Variants in DENND4A observed in about 807,000 individuals in gnomAD.
The protein encoded by DENND4A is DENN domain containing 4A, also known as C-myc promoter-binding protein.
In DENND4A, 70 loss-of-function variants were observed where a neutral mutation model predicts 199.3. The ratio of observed to expected loss-of-function variants is 0.35; its 90% CI spans 0.29 to 0.43. DENND4A has a LOEUF of 0.43. DENND4A is among the 20% of genes least tolerant of loss of function. The pLI, the probability that DENND4A is intolerant of heterozygous loss-of-function variation, is 1.00. For missense variants in DENND4A, 1,723 were observed against 2,255.8 expected (o/e 0.76, Z 4.78); for synonymous variants, 686 against 766.9 (o/e 0.89, Z 1.74).
chr15:65,690,597 A>C lies in DENND4A; in HGVS notation c.3997T>G (p.Cys1333Gly), dbSNP rs1286862386. The change falls in exon 23 of 33, where the codon TGC becomes GGC. Residue 1333 changes from cysteine to glycine, a missense_variant. Physicochemically the swap from Cys to Gly is radical, Grantham distance 159. This residue lies in a region of DENND4A where 650 missense variants were observed against 738.1 expected (regional missense o/e 0.88). Transcript: ENST00000443035. ...TCCTGAGATTCTTCCCTAAATGGGC[A>C]AGTAGGTGAGAAGGCTGGAGAAGAC... is the stretch of plus-strand genomic sequence containing the variant. ...LWSSPAFSPTCPFREESQDTL... is the reference protein window; with the variant it reads ...LWSSPAFSPTGPFREESQDTL... 2 of 1,613,696 alleles carry C rather than the reference A, an allele frequency of 1.2e-6. No individual in the cohort carries two copies. The highest frequency in any genetic ancestry group is 1.7e-6 in the Non-Finnish European group (2 of 1,179,730).
In DENND4A at chr15:65,746,933, T is replaced by TAA. The variant is rs79912609; in HGVS notation, c.562-5151_562-5150dup. Among the ~76,000 whole-genome samples the TAA allele has an allele frequency of 2.8e-3, 360 of 128,510 alleles. 1 individual carries two copies. Among genetic ancestry groups the TAA allele is most frequent in the African/African-American group, 9.4e-3 (328 of 34,986 alleles). The allele number at this position is 128,510 out of a possible 152,430, so 84.3% of individuals were successfully genotyped here. A position where few individuals can be genotyped will look rare whatever the true frequency, so the allele number is the denominator to read the frequency against. ...AAAAATGGTAAAACCCTGTCTCTAC[T>TAA]AAAAAAAAAAAAAAATACAAAAAAT... On this transcript the variant is annotated intron_variant, in intron 4 of 32. Transcript: ENST00000443035.
intron 22 of DENND4A, 90 bp downstream of exon 22, chr15:65,696,276 G>A: frequency 6.9e-7 from 1 of 1,457,536 alleles, no homozygotes; most frequent in South Asian, 1.4e-5. Context: ...AATCACCTTG[G>A]AGAATTAAGA....
At chr15:65,728,852 G>GTGTA in intron 11 of DENND4A, 4 of 552,750 alleles carry the variant, frequency 7.2e-6, no homozygotes, top group South Asian at 5.8e-5. Flanking sequence ...GAAAGCCTGA[G>GTGTA]GATGAAAGGT....
At chr15:65,784,552 T>G (rs1596709034) in intron 1 of DENND4A, among the ~76,000 whole-genome samples, 2 of 152,246 alleles carry the variant, frequency 1.3e-5, no homozygotes, top group African/African-American at 4.8e-5. Context: ...AAAACATTTA[T>G]TCAAATTAAA....
intron 22 of DENND4A, among the ~76,000 whole-genome samples, chr15:65,694,538 T>C (rs930212819): frequency 6.6e-6 from 1 of 152,120 alleles, no homozygotes; most frequent in Non-Finnish European, 1.5e-5. Flanking sequence ...TCTACTCCCA[T>C]ATATGTATAC....
intron 1 of DENND4A, among the ~76,000 whole-genome samples, chr15:65,787,552 A>G (rs1228254804): frequency 6.6e-6 from 1 of 152,212 alleles, no homozygotes; most frequent in Admixed American, 6.5e-5. Context: ...AATAACGGCC[A>G]TAGATGAATA....
chr15:65,696,140 T>C (rs1202989688), intron 22 of DENND4A, among the ~76,000 whole-genome samples: 1 of 152,130 alleles, frequency 6.6e-6, no homozygotes, highest in Non-Finnish European at 1.5e-5. Flanking sequence ...ACTCAAAAGA[T>C]AGTATACAAG....
intron 1 of DENND4A, among the ~76,000 whole-genome samples, chr15:65,779,228 C>T (rs1247351077): frequency 6.6e-6 from 1 of 151,896 alleles, no homozygotes; most frequent in Admixed American, 6.6e-5. Flanking sequence ...GGCCGAGGCG[C>T]GTGGATCGTC....
intron 11 of DENND4A, among the ~76,000 whole-genome samples, chr15:65,727,268 T>C (rs984374997): frequency 4.0e-5 from 6 of 151,198 alleles, no homozygotes; most frequent in African/African-American, 1.2e-4. Context: ...CTGGCTAACA[T>C]GGTGAAACCC....
At chr15:65,682,149 C>T (rs762023026) in intron 23 of DENND4A, among the ~76,000 whole-genome samples, 2 of 152,142 alleles carry the variant, frequency 1.3e-5, no homozygotes, top group Non-Finnish European at 2.9e-5. Context: ...AGAGAGTCAG[C>T]CTGTCCTTTG....
At chr15:65,775,821 G>GA (rs61210445) in intron 1 of DENND4A, among the ~76,000 whole-genome samples, 1 of 152,012 alleles carries the variant, frequency 6.6e-6, no homozygotes, top group East Asian at 1.9e-4. Flanking sequence ...GGACAGGTAT[G>GA]AAAAAAAGTT....
chr15:65,691,548 A>G lies in DENND4A; in HGVS notation c.3083-37T>C, dbSNP rs757293800. The G allele has an allele frequency of 8.1e-6, 12 of 1,485,096 alleles. No individual in the cohort carries two copies. The East Asian group carries it at 2.9e-4, about 36-fold the overall frequency. The allele number at this position is 1,485,096 out of a possible 1,614,324, so 92.0% of individuals were successfully genotyped here. On this transcript the variant is annotated intron_variant, in intron 22 of 32. Coordinates refer to ENST00000443035, the MANE Select transcript of DENND4A (RefSeq NM_001320835.1). ...GTAAAGTGCTTTTAGCCATGAAAAT[A>G]TAATAGCAAATATAAGTCATCTTAA... is the stretch of plus-strand genomic sequence containing the variant.
At chr15:65,716,349 C>T (rs574011621) in intron 13 of DENND4A, among the ~76,000 whole-genome samples, 2 of 150,076 alleles carry the variant, frequency 1.3e-5, no homozygotes, top group Admixed American at 1.3e-4. Flanking sequence ...CACCCATTAA[C>T]TCATCATTTA....
At chr15:65,759,107 T>C (rs1339793861) in intron 2 of DENND4A, among the ~76,000 whole-genome samples, 1 of 152,224 alleles carries the variant, frequency 6.6e-6, no homozygotes, top group Non-Finnish European at 1.5e-5. Flanking sequence ...GTCATCAGTT[T>C]TCAGAATTCA....
At chr15:65,664,466 G>T (rs2075971751) in intron 31 of DENND4A, 72 bp from the exon 32 acceptor site, 1 of 1,509,400 alleles carries the variant, frequency 6.6e-7, no homozygotes, top group Admixed American at 1.9e-5. Flanking sequence ...AAAATTTAAT[G>T]CTATCATAAG....
Position 65,720,989 on chromosome 15 carries a change from T to A in DENND4A, c.1588+1859A>T, listed in dbSNP as rs138748523. On this transcript the variant is annotated intron_variant, in intron 12 of 32. Transcript: ENST00000443035. ...TATATATATATATATATATTTGTAC[T>A]TTTTGCAGAGACAAGGTTTCAGCAT... Among the ~76,000 whole-genome samples the A allele has an allele frequency of 6.6e-3, 443 of 66,744 alleles. 10 individuals carry two copies. The highest frequency in any genetic ancestry group is 0.019 in the African/African-American group (353 of 18,878). The allele number at this position is 66,744 out of a possible 152,430, so 43.8% of individuals were successfully genotyped here.
At chr15:65,775,218 T>C (rs553088598) in intron 1 of DENND4A, among the ~76,000 whole-genome samples, 1 of 152,186 alleles carries the variant, frequency 6.6e-6, no homozygotes, top group Admixed American at 6.5e-5. Flanking sequence ...TGATTGCTCA[T>C]GCCTGTGGTC....
chr15:65,752,334 CT>C (rs2076589482), intron 4 of DENND4A, 44 bp downstream of exon 4: 3 of 328,788 alleles, frequency 9.1e-6, no homozygotes, highest in Non-Finnish European at 1.7e-5. Flanking sequence ...AAATTATGCT[CT>C]TTTCATCAGT....
chr15:65,789,985 G>A (rs755695850), intron 1 of DENND4A, among the ~76,000 whole-genome samples: 4 of 152,082 alleles, frequency 2.6e-5, no homozygotes, highest in Non-Finnish European at 5.9e-5. Context: ...GCGAAACCCC[G>A]TCTCAAAAAA....
Sources: allele counts gnomAD v4.1 joint callset (sites outside exome capture counted in the v4.1 genomes callset), GRCh38; gene constraint gnomAD v4.1.1; regional missense constraint gnomAD v4.1.1; transcripts MANE v1.5; gene names NCBI Gene and HGNC (gene_info 2026-07-23, HGNC 2026-07-21).